The following MTUS2 variants were observed in gnomAD, a reference collection of about 807,000 sequenced individuals.
The protein encoded by MTUS2 is microtubule associated scaffold protein 2.
A neutral mutation model predicts 114.1 loss-of-function variants in MTUS2; 40 were observed. The ratio of observed to expected loss-of-function variants is 0.35; its 90% confidence interval spans 0.27 to 0.46. The LOEUF (loss-of-function observed/expected upper bound fraction) is 0.46. Among genes scored for constraint, MTUS2 ranks in the 20% least tolerant of loss-of-function variants. MTUS2 has a pLI of 1.00. For missense variants in MTUS2, 1,679 were observed against 1,705.4 expected (o/e 0.98, Z 0.27); for synonymous variants, 688 against 672.0 (o/e 1.02, Z -0.37).
intron 5 of MTUS2, among the ~76,000 whole-genome samples, chr13:29,158,217 G>C (rs1593539006): frequency 6.6e-6 from 1 of 152,226 alleles, no homozygotes; most frequent in East Asian, 1.9e-4. Context: ...CCTAAGAATA[G>C]ATGAAAAGAT....
Position 29,025,025 on chromosome 13 carries a change from T to G in MTUS2, c.327T>G (p.Asn109Lys), listed in dbSNP as rs756201652. The G allele has an allele frequency of 1.9e-6, 3 of 1,613,968 alleles. No individual in the cohort carries two copies. Among genetic ancestry groups the G allele is most frequent in the Non-Finnish European group, 2.5e-6 (3 of 1,179,888 alleles). Residue 109 changes from asparagine to lysine, a missense_variant, in exon 3 of 16, where the codon AAT (asparagine) becomes AAG (lysine). By Grantham distance (94) the Asn-to-Lys change is moderately conservative. This residue lies in a region of MTUS2 where 843 missense variants were observed against 770.8 expected (regional missense o/e 1.09). Transcript: ENST00000612955. ...CTTCAACCATTCAGAGGGAACTCAATGAAGAGCACACAGTGGAGAGAGGCA... is the reference window on the plus strand; with the variant it reads ...CTTCAACCATTCAGAGGGAACTCAAGGAAGAGCACACAGTGGAGAGAGGCA... ...RLSSTIQREL[N>K]EEHTVERGTD...
At chr13:29,128,540 G>A (rs943497047) in intron 5 of MTUS2, among the ~76,000 whole-genome samples, 4 of 152,062 alleles carry the variant, frequency 2.6e-5, no homozygotes, top group Admixed American at 6.5e-5. Flanking sequence ...AAAATCTTAC[G>A]GAAGGTGAAT....
In MTUS2 at chr13:28,824,203, G is replaced by C. The variant is rs534324290; in HGVS notation, c.-316+3592G>C. ...TTCTAGCCCACACAAATGATAATAG[G>C]CCCCTGACTTTCATTTTGTTAGATC... On this transcript the variant is annotated intron_variant, in intron 1 of 15. Coordinates refer to ENST00000612955, the MANE Select transcript of MTUS2 (RefSeq NM_001033602.4). 8.0e-5 allele frequency among the ~76,000 whole-genome samples: 12 copies of C among 150,452 alleles called. No homozygotes were observed. The East Asian group carries it at 2.3e-3, about 29-fold the overall frequency.
In MTUS2 at chr13:28,891,435, A is replaced by T. The variant is rs143424301; in HGVS notation, c.-243+51585A>T. ...GTATTGCCTATTCAAAAAATCATAC[A>T]CACACATATTGAAAAAAGGCAGAAT... On this transcript the variant is annotated intron_variant, in intron 2 of 15. Coordinates refer to ENST00000612955, the MANE Select transcript of MTUS2 (RefSeq NM_001033602.4). Among the ~76,000 whole-genome samples the T allele has an allele frequency of 3.3e-3, 510 of 152,272 alleles. 3 individuals carry two copies. Among genetic ancestry groups the T allele is most frequent in the Middle Eastern group, 6.8e-3 (2 of 294 alleles).
At chr13:28,877,353 G>A (rs1878009601) in intron 2 of MTUS2, among the ~76,000 whole-genome samples, 2 of 150,750 alleles carry the variant, frequency 1.3e-5, no homozygotes, top group South Asian at 4.2e-4. Flanking sequence ...ACTTATTTAA[G>A]TAGCCCGTTG....
intron 8 of MTUS2, among the ~76,000 whole-genome samples, chr13:29,392,111 G>C (rs1435148927): frequency 2.3e-5 from 3 of 131,100 alleles, no homozygotes; most frequent in African/African-American, 6.0e-5. Context: ...CTGGGCGACA[G>C]AGCAAGACTC....
Position 29,132,361 on chromosome 13 carries a change from T to C in MTUS2, c.2644+31391T>C, listed in dbSNP as rs541002843. 7.9e-5 allele frequency among the ~76,000 whole-genome samples: 12 copies of C among 152,336 alleles called. No individual in the cohort carries two copies. The South Asian group carries it at 2.5e-3, about 32-fold the overall frequency. ...ATAGCTTTTTTTCCCATGTTTGTTATTGTGGTAGAATACACACGACAAAAT... is the reference window on the plus strand; with the variant it reads ...ATAGCTTTTTTTCCCATGTTTGTTACTGTGGTAGAATACACACGACAAAAT... On this transcript the variant is annotated intron_variant, in intron 5 of 15. Coordinates refer to ENST00000612955, the MANE Select transcript of MTUS2 (RefSeq NM_001033602.4).
At chr13:29,252,174 T>C (rs984900649) in intron 5 of MTUS2, among the ~76,000 whole-genome samples, 1 of 152,002 alleles carries the variant, frequency 6.6e-6, no homozygotes, top group East Asian at 1.9e-4. Context: ...ATAATTACTA[T>C]CTAAATACTA....
At chr13:29,144,716 T>G (rs892076918) in intron 5 of MTUS2, among the ~76,000 whole-genome samples, 5 of 152,202 alleles carry the variant, frequency 3.3e-5, no homozygotes, top group Non-Finnish European at 7.3e-5. Flanking sequence ...AAGATGAATC[T>G]CTCACTCCAG....
At chr13:29,339,094 G>A (rs1478610545) in intron 7 of MTUS2, among the ~76,000 whole-genome samples, 1 of 152,130 alleles carries the variant, frequency 6.6e-6, no homozygotes, top group East Asian at 1.9e-4. Context: ...GGCTGGGTGT[G>A]CGCAGAGGTA....
intron 2 of MTUS2, among the ~76,000 whole-genome samples, chr13:28,863,405 A>C (rs1161455): frequency 0.9 from 137,252 of 152,222 alleles, 62,296 homozygotes; most frequent in Middle Eastern, 0.95. Flanking sequence ...ATATAAAAAC[A>C]CACAGTGTCA....
At chr13:28,955,980 T>C (rs1823505311) in intron 2 of MTUS2, among the ~76,000 whole-genome samples, 1 of 151,568 alleles carries the variant, frequency 6.6e-6, no homozygotes, top group Non-Finnish European at 1.5e-5. Flanking sequence ...TCTTTAGTGG[T>C]GATTTGTGAG....
At chr13:29,296,406 T>C (rs1227934963) in intron 6 of MTUS2, among the ~76,000 whole-genome samples, 1 of 152,074 alleles carries the variant, frequency 6.6e-6, no homozygotes, top group Non-Finnish European at 1.5e-5. Context: ...AGATGGGGTC[T>C]TGCTACATTG....
At chr13:29,414,379 G>C (rs372960726) in intron 8 of MTUS2, among the ~76,000 whole-genome samples, 1 of 112,640 alleles carries the variant, frequency 8.9e-6, no homozygotes, top group African/African-American at 3.5e-5. Flanking sequence ...TGGGTGCAGC[G>C]CACCAGCATG....
At chr13:28,844,766 G>GCCA (rs1875754289) in intron 2 of MTUS2, among the ~76,000 whole-genome samples, 1 of 152,008 alleles carries the variant, frequency 6.6e-6, no homozygotes, top group African/African-American at 2.4e-5. Context: ...ACAGGCGCAC[G>GCCA]CCACCACACC....
intron 5 of MTUS2, among the ~76,000 whole-genome samples, chr13:29,260,178 T>A (rs1449143813): frequency 6.6e-6 from 1 of 152,250 alleles, no homozygotes; most frequent in Non-Finnish European, 1.5e-5. Flanking sequence ...TTAAGTTGTT[T>A]GAAAGGCAGC....
At chr13:28,853,025 G>A (rs539125806) in intron 2 of MTUS2, among the ~76,000 whole-genome samples, 2 of 126,642 alleles carry the variant, frequency 1.6e-5, no homozygotes, top group East Asian at 4.3e-4. Flanking sequence ...GATTCCTATG[G>A]ATGGATGGCA....
intron 8 of MTUS2, among the ~76,000 whole-genome samples, chr13:29,392,680 G>C (rs1036760125): frequency 6.6e-6 from 1 of 152,174 alleles, no homozygotes; most frequent in African/African-American, 2.4e-5. Flanking sequence ...GTGGACATAG[G>C]GAGGTCCCTA....
chr13:29,205,079 G>A lies in MTUS2; in HGVS notation c.2645-76625G>A, dbSNP rs142632176. 4.5e-4 allele frequency among the ~76,000 whole-genome samples: 69 copies of A among 152,258 alleles called. 1 individual carries two copies. The East Asian group carries it at 0.011, about 24-fold the overall frequency. On this transcript the variant is annotated intron_variant, in intron 5 of 15. Coordinates refer to ENST00000612955, the MANE Select transcript of MTUS2 (RefSeq NM_001033602.4). Reference sequence around the variant, plus strand: ...AAGGTAGAAGACAGAATTTCTGCCTGGTCCTGAAAACTGAAGGTACCTGTT... The same window carrying A: ...AAGGTAGAAGACAGAATTTCTGCCTAGTCCTGAAAACTGAAGGTACCTGTT...
Sources: gnomAD v4.1 joint callset for allele counts (sites outside exome capture counted in the v4.1 genomes callset) on GRCh38, gnomAD v4.1.1 for gene constraint, gnomAD v4.1.1 regional missense constraint, MANE v1.5 for transcripts, NCBI Gene and HGNC (gene_info 2026-07-23, HGNC 2026-07-21) for gene names.